Variants in ATXN1 observed in about 807,000 individuals in gnomAD.
The protein encoded by ATXN1 is ataxin-1.
Under a neutral mutation model 56.4 loss-of-function variants are expected in ATXN1, and 8 were observed. The ratio of observed to expected loss-of-function variants is 0.14; its 90% CI spans 0.08 to 0.26. The LOEUF (loss-of-function observed/expected upper bound fraction) is 0.26, where lower values mean the gene tolerates loss of function less well. ATXN1 is among the 10% of genes least tolerant of loss of function. The pLI, the probability that ATXN1 is intolerant of heterozygous loss-of-function variation, is 1.00. For missense variants in ATXN1, 987 were observed against 1,106.5 expected (o/e 0.89, Z 1.53); for synonymous variants, 514 against 494.6 (o/e 1.04, Z -0.52).
chr6:16,757,488 G>A (rs995474249), intron 1 of ATXN1, among the ~76,000 whole-genome samples: 1 of 152,186 alleles, frequency 6.6e-6, no homozygotes, highest in African/African-American at 2.4e-5. Flanking sequence ...GTAGCTAGAA[G>A]AAATAATAGC....
chr6:16,451,366 G>A, intron 6 of ATXN1, among the ~76,000 whole-genome samples: 1 of 152,230 alleles, frequency 6.6e-6, no homozygotes. Context: ...TCAGGAGGCT[G>A]AGGCAGAAGA....
intron 2 of ATXN1, among the ~76,000 whole-genome samples, chr6:16,740,371 G>C (rs570155129): frequency 6.6e-6 from 1 of 152,272 alleles, no homozygotes; most frequent in South Asian, 2.1e-4. Context: ...TGATTCACAG[G>C]TGGCTGGAAG....
chr6:16,679,207 G>A (rs1328845808), intron 2 of ATXN1, among the ~76,000 whole-genome samples: 2 of 102,102 alleles, frequency 2.0e-5, no homozygotes, highest in Non-Finnish European at 4.1e-5. Context: ...TGGGTGGGTG[G>A]ACGGATGGGT....
intron 2 of ATXN1, among the ~76,000 whole-genome samples, chr6:16,674,794 T>C (rs1758625423): frequency 6.6e-6 from 1 of 152,120 alleles, no homozygotes; most frequent in African/African-American, 2.4e-5. Flanking sequence ...GCAAAACAGA[T>C]GGTTTGGAAT....
intron 2 of ATXN1, among the ~76,000 whole-genome samples, chr6:16,671,188 T>C (rs1444082607): frequency 6.6e-6 from 1 of 152,198 alleles, no homozygotes; most frequent in Non-Finnish European, 1.5e-5. Context: ...GTAGGTTCTT[T>C]AGAAAGAAAT....
chr6:16,622,355 T>C (rs1043380892), intron 3 of ATXN1, among the ~76,000 whole-genome samples: 19 of 152,102 alleles, frequency 1.2e-4, no homozygotes, highest in Non-Finnish European at 1.8e-4. Flanking sequence ...ATGGTGATGA[T>C]GATGATGACC....
intron 6 of ATXN1, among the ~76,000 whole-genome samples, chr6:16,476,495 G>C (rs1262411062): frequency 6.6e-6 from 1 of 150,946 alleles, no homozygotes; most frequent in Non-Finnish European, 1.5e-5. Flanking sequence ...TAAACACTAA[G>C]TGTTGAATTA....
intron 6 of ATXN1, among the ~76,000 whole-genome samples, chr6:16,386,458 T>C (rs9477106): frequency 0.12 from 18,368 of 152,262 alleles, 1,184 homozygotes; most frequent in African/African-American, 0.15. Context: ...CTTAAACTTT[T>C]GCTTTCAGAT....
At chr6:16,592,883 T>TGG (rs746018040) in intron 3 of ATXN1, among the ~76,000 whole-genome samples, 31 of 51,518 alleles carry the variant, frequency 6.0e-4, no homozygotes, top group Admixed American at 1.6e-3. Flanking sequence ...GGTGGGGGGT[T>TGG]GGGGGGGGCA....
intron 6 of ATXN1, among the ~76,000 whole-genome samples, chr6:16,344,108 T>C (rs1387173839): frequency 6.6e-6 from 1 of 152,162 alleles, no homozygotes; most frequent in African/African-American, 2.4e-5. Flanking sequence ...GGTCTCTCCT[T>C]CCATGTCACC....
chr6:16,657,837 T>A lies in ATXN1; in HGVS notation c.-550A>T, dbSNP rs1758237667. On this transcript the variant is annotated 5_prime_UTR_variant, in exon 3 of 8. Transcript: ENST00000436367. ...CTGAAATCCACTCTTTCTCTCTTGTTCCTGGTCTGCAGCAGCACTAAGTTT... is the reference window on the plus strand; with the variant it reads ...CTGAAATCCACTCTTTCTCTCTTGTACCTGGTCTGCAGCAGCACTAAGTTT... 6.6e-6 allele frequency: 1 copy of A among 152,208 alleles called. No individual in the cohort carries two copies. Among genetic ancestry groups the A allele is most frequent in the Non-Finnish European group, 1.5e-5 (1 of 68,046 alleles). 9.4% of individuals were successfully genotyped at this position (152,208 alleles called of 1,614,324 possible). A position where few individuals can be genotyped will look rare whatever the true frequency, so the allele number is the denominator to read the frequency against.
At chr6:16,484,768 T>G (rs944768648) in intron 6 of ATXN1, among the ~76,000 whole-genome samples, 1 of 152,196 alleles carries the variant, frequency 6.6e-6, no homozygotes, top group Admixed American at 6.5e-5. Context: ...ATACAAATGT[T>G]TAGAAATCTA....
At chr6:16,321,243 G>A (rs963719573) in intron 7 of ATXN1, among the ~76,000 whole-genome samples, 5 of 152,170 alleles carry the variant, frequency 3.3e-5, no homozygotes, top group Middle Eastern at 3.2e-3. Flanking sequence ...TGATGCTATC[G>A]CCTCGGGGGT....
At chr6:16,747,803 T>C (rs1009949352) in intron 2 of ATXN1, among the ~76,000 whole-genome samples, 3 of 148,032 alleles carry the variant, frequency 2.0e-5, no homozygotes, top group Admixed American at 2.0e-4. Context: ...TTCACTGTTC[T>C]AGTGAAGGAG....
chr6:16,491,283 T>TATTA (rs57752763), intron 5 of ATXN1, among the ~76,000 whole-genome samples: 32,338 of 114,764 alleles, frequency 0.28, 4,992 homozygotes, highest in East Asian at 0.35. Flanking sequence ...TATTATTTTT[T>TATTA]TTTTTTTTTT....
At chr6:16,489,391 C>T (rs890398440) in intron 5 of ATXN1, among the ~76,000 whole-genome samples, 1 of 152,164 alleles carries the variant, frequency 6.6e-6, no homozygotes, top group African/African-American at 2.4e-5. Flanking sequence ...CATGTGTCAG[C>T]CCTCCACAAA....
chr6:16,332,992 A>T (rs924785141), intron 6 of ATXN1, among the ~76,000 whole-genome samples: 3 of 152,192 alleles, frequency 2.0e-5, no homozygotes, highest in African/African-American at 7.2e-5. Context: ...ATCCGATTAA[A>T]TTTTCTACTG....
chr6:16,533,018 A>T (rs1174920306), intron 4 of ATXN1, among the ~76,000 whole-genome samples: 1 of 152,234 alleles, frequency 6.6e-6, no homozygotes, highest in Non-Finnish European at 1.5e-5. Flanking sequence ...ACAAAATGTG[A>T]TACATATGTG....
intron 3 of ATXN1, among the ~76,000 whole-genome samples, chr6:16,654,392 A>T (rs915067850): frequency 6.6e-6 from 1 of 152,112 alleles, no homozygotes; most frequent in Admixed American, 6.5e-5. Flanking sequence ...AAAAATAGAA[A>T]AATTAGCTGG....
Sources: gnomAD v4.1 joint callset for allele counts (sites outside exome capture counted in the v4.1 genomes callset) on GRCh38, gnomAD v4.1.1 for gene constraint, MANE v1.5 for transcripts, NCBI Gene and HGNC (gene_info 2026-07-23, HGNC 2026-07-21) for gene names.